Variants in CFAP54 observed in about 807,000 individuals in gnomAD.
CFAP54 encodes the protein cilia and flagella associated protein 54, also known as cilia- and flagella-associated protein 54.
Under a neutral mutation model 370.4 loss-of-function variants are expected in CFAP54, and 290 were observed. The ratio of observed to expected loss-of-function variants is 0.78; its 90% CI spans 0.71 to 0.86. The LOEUF (loss-of-function observed/expected upper bound fraction) is 0.86, where lower values mean the gene tolerates loss of function less well. Among genes scored for constraint, CFAP54 ranks in the 40% least tolerant of loss-of-function variants. The pLI is 0.00. For missense variants in CFAP54, 3,399 were observed against 3,528.7 expected (o/e 0.96, Z 0.93); for synonymous variants, 1,206 against 1,236.5 (o/e 0.98, Z 0.52).
intron 50 of CFAP54, among the ~76,000 whole-genome samples, chr12:96,732,131 T>C (rs987095534): frequency 9.9e-5 from 15 of 150,790 alleles, no homozygotes; most frequent in South Asian, 2.1e-4. Context: ...TGTGTGTGTG[T>C]GCGGTGTGTT....
chr12:96,679,760 G>C lies in CFAP54; in HGVS notation c.5716+8G>C, dbSNP rs757182708. ...TTCTTGCACAGACACAAGGTAAAATGCATGTTCTGTATCTCTGAATCTTTC... is the reference window on the plus strand; with the variant it reads ...TTCTTGCACAGACACAAGGTAAAATCCATGTTCTGTATCTCTGAATCTTTC... On this transcript the variant is annotated splice_region_variant and intron_variant, in intron 40 of 67. Transcript: ENST00000524981. 16 of 1,611,420 alleles carry C rather than the reference G, an allele frequency of 9.9e-6. No individual in the cohort carries two copies. The highest frequency in any genetic ancestry group is 1.4e-5 in the Non-Finnish European group (16 of 1,178,672).
chr12:96,732,874 A>G (rs545876493), intron 50 of CFAP54, among the ~76,000 whole-genome samples: 1 of 151,872 alleles, frequency 6.6e-6, no homozygotes, highest in African/African-American at 2.4e-5. Flanking sequence ...TTTTTTTCCA[A>G]ACTATGTGTC....
chr12:96,795,696 A>G (rs1036962287), intron 63 of CFAP54, among the ~76,000 whole-genome samples: 2 of 151,868 alleles, frequency 1.3e-5, no homozygotes, highest in Non-Finnish European at 2.9e-5. Context: ...CATGCCCCAG[A>G]CTACAAGCCT....
chr12:96,693,914 G>A, intron 45 of CFAP54, 106 bp downstream of exon 45: 1 of 632,010 alleles, frequency 1.6e-6, no homozygotes, highest in Admixed American at 3.2e-5. Flanking sequence ...TAATAACATG[G>A]CATTACACTG....
chr12:96,721,614 A>G (rs1364074305), intron 50 of CFAP54, among the ~76,000 whole-genome samples: 1 of 152,240 alleles, frequency 6.6e-6, no homozygotes, highest in East Asian at 1.9e-4. Flanking sequence ...CCTCTGACAC[A>G]TTCAATAGTG....
At chr12:96,843,332 G>T (rs1270291486) in intron 66 of CFAP54, among the ~76,000 whole-genome samples, 1 of 152,172 alleles carries the variant, frequency 6.6e-6, no homozygotes. Flanking sequence ...GAGCCCTTCA[G>T]GAGGGAACCC....
rs1048691054 is a variant in CFAP54 at position 96,846,457 on chromosome 12, G to A, written c.9172-14362G>A. On this transcript the variant is annotated intron_variant, in intron 66 of 67. Transcript: ENST00000524981. ...GGGACCCTTTATTAGCTCTTTACAGGTTGAAAAATTCTTTCCTGGGGAAAG... is the reference window on the plus strand; with the variant it reads ...GGGACCCTTTATTAGCTCTTTACAGATTGAAAAATTCTTTCCTGGGGAAAG... Among the ~76,000 whole-genome samples, 8 of 152,250 alleles carry A rather than the reference G, an allele frequency of 5.3e-5. 1 individual carries two copies. In the East Asian group the frequency reaches 5.8e-4, roughly 11 times the overall value.
intron 39 of CFAP54, among the ~76,000 whole-genome samples, chr12:96,664,763 ATCTATATCTATATC>A (rs1957053662): frequency 4.4e-4 from 9 of 20,428 alleles, no homozygotes; most frequent in South Asian, 1.3e-3. Context: ...ATCTATATAT[ATCTATATCTATATC>A]TATATATATA....
chr12:96,850,216 T>TAA (rs35493066), intron 66 of CFAP54, among the ~76,000 whole-genome samples: 7 of 101,108 alleles, frequency 6.9e-5, no homozygotes, highest in African/African-American at 1.2e-4. Flanking sequence ...CTGTCTCTAC[T>TAA]AAAAAAAAAA....
intron 39 of CFAP54, among the ~76,000 whole-genome samples, chr12:96,668,675 A>G (rs911212863): frequency 6.6e-6 from 1 of 152,188 alleles, no homozygotes; most frequent in South Asian, 2.1e-4. Flanking sequence ...CCCTTTTGGA[A>G]TGTTTTTGGC....
At position 96,628,856 on chromosome 12, in the gene CFAP54, G is replaced by A. The variant is rs141716863; in HGVS notation, c.4104-1237G>A. On this transcript the variant is annotated intron_variant, in intron 30 of 67. Transcript: ENST00000524981. ...TAATAAGACCCTACATTTTATTCAAGTTTTGGGATCCCATTTATCATATTA... is the reference window on the plus strand; with the variant it reads ...TAATAAGACCCTACATTTTATTCAAATTTTGGGATCCCATTTATCATATTA... Among the ~76,000 whole-genome samples the A allele has an allele frequency of 9.9e-5, 15 of 151,888 alleles. No homozygotes were observed. The East Asian group carries it at 2.9e-3, about 29-fold the overall frequency.
At chr12:96,847,467 A>G (rs1959393108) in intron 66 of CFAP54, among the ~76,000 whole-genome samples, 1 of 152,212 alleles carries the variant, frequency 6.6e-6, no homozygotes, top group South Asian at 2.1e-4. Flanking sequence ...ATTGGGTTTA[A>G]TCACTCCCCC....
rs185073121 is a variant in CFAP54 at position 96,713,591 on chromosome 12, C to G, written c.6724+4788C>G. Among the ~76,000 whole-genome samples, 300 of 152,126 alleles carry G rather than the reference C, an allele frequency of 2.0e-3. 5 individuals are homozygous for G. The South Asian group carries it at 0.026, about 13-fold the overall frequency. ...AAACACAAAAAATACTCTCTGAAAACTTGTTATGGTAGAAAAATACATAAA... is the reference window on the plus strand; with the variant it reads ...AAACACAAAAAATACTCTCTGAAAAGTTGTTATGGTAGAAAAATACATAAA... On this transcript the variant is annotated intron_variant, in intron 48 of 67. Coordinates refer to ENST00000524981, the MANE Select transcript of CFAP54 (RefSeq NM_001306084.2).
At chr12:96,868,545 T>C (rs779019437) in intron 67 of CFAP54, among the ~76,000 whole-genome samples, 1 of 152,144 alleles carries the variant, frequency 6.6e-6, no homozygotes, top group Non-Finnish European at 1.5e-5. Context: ...TTTTTGTTTA[T>C]GGTTCAGTGG....
chr12:96,860,935 C>G lies in CFAP54; in HGVS notation c.9288C>G (p.Pro3096=). Residue 3096 remains proline, a synonymous_variant, in exon 67 of 68, where the codon CCC becomes CCG. Transcript: ENST00000524981. ...SLFNWIVSII[P] ...TCAACTGGATAGTGTCAATTATTCC[C>G]TGAATATCCTATACACGGTAACCTT... 1 of 1,532,994 alleles carries G rather than the reference C, an allele frequency of 6.5e-7. No individual in the cohort carries two copies. Among genetic ancestry groups the G allele is most frequent in the Non-Finnish European group, 8.7e-7 (1 of 1,145,522 alleles). 95.0% of individuals were successfully genotyped at this position (1,532,994 alleles called of 1,614,324 possible). A position where few individuals can be genotyped will look rare whatever the true frequency, so the allele number is the denominator to read the frequency against.
intron 32 of CFAP54, among the ~76,000 whole-genome samples, chr12:96,637,372 T>G (rs1956673729): frequency 6.6e-6 from 1 of 152,218 alleles, no homozygotes; most frequent in African/African-American, 2.4e-5. Flanking sequence ...ATGTAAAGCT[T>G]TGGTTTAGAC....
At chr12:96,730,252 A>G (rs1216868699) in intron 50 of CFAP54, among the ~76,000 whole-genome samples, 2 of 152,242 alleles carry the variant, frequency 1.3e-5, no homozygotes, top group African/African-American at 2.4e-5. Flanking sequence ...AGGTCCTGAC[A>G]TCATAGAGCT....
intron 32 of CFAP54, among the ~76,000 whole-genome samples, chr12:96,643,062 A>T (rs1956751312): frequency 6.6e-6 from 1 of 152,146 alleles, no homozygotes; most frequent in Non-Finnish European, 1.5e-5. Flanking sequence ...TGGCCTTTTG[A>T]GGAGAATTGA....
At chr12:96,654,516 A>AAT (rs1555278223) in intron 36 of CFAP54, among the ~76,000 whole-genome samples, 11 of 151,034 alleles carry the variant, frequency 7.3e-5, no homozygotes, top group African/African-American at 2.2e-4. Context: ...AAAAAAAAAA[A>AAT]TTTATGGGGT....
Sources: gnomAD v4.1 joint callset for allele counts (sites outside exome capture counted in the v4.1 genomes callset) on GRCh38, gnomAD v4.1.1 for gene constraint, MANE v1.5 for transcripts, NCBI Gene and HGNC (gene_info 2026-07-23, HGNC 2026-07-21) for gene names.